Variants in GPC6 observed in about 807,000 individuals in gnomAD.
GPC6 encodes glypican-6.
Under a neutral mutation model 55.2 loss-of-function variants are expected in GPC6, and 14 were observed. The observed-to-expected ratio is 0.25, with a 90% CI of 0.17 to 0.40. The LOEUF (loss-of-function observed/expected upper bound fraction) is 0.40. Among genes scored for constraint, GPC6 ranks in the 10% least tolerant of loss-of-function variants. The pLI is 1.00. For synonymous variants in GPC6, 278 were observed against 259.6 expected (o/e 1.07, Z -0.68); for missense variants, 641 against 708.5 (o/e 0.90, Z 1.08).
chr13:94,294,500 G>A (rs775958995), intron 5 of GPC6, among the ~76,000 whole-genome samples: 1 of 149,852 alleles, frequency 6.7e-6, no homozygotes, highest in Non-Finnish European at 1.5e-5. Flanking sequence ...TCTGTCTCTA[G>A]CTATTGGGGC....
At chr13:94,370,530 C>T (rs1414820167) in intron 6 of GPC6, among the ~76,000 whole-genome samples, 2 of 152,170 alleles carry the variant, frequency 1.3e-5, no homozygotes, top group Non-Finnish European at 2.9e-5. Flanking sequence ...TGAAGGAATA[C>T]TAGCCACAAA....
At chr13:94,324,696 G>A (rs1044335495) in intron 6 of GPC6, among the ~76,000 whole-genome samples, 1 of 109,900 alleles carries the variant, frequency 9.1e-6, no homozygotes. Context: ...AACAAGACCT[G>A]GGTTTTTTGT....
chr13:94,108,368 G>A (rs1886128254), intron 4 of GPC6, among the ~76,000 whole-genome samples: 1 of 152,060 alleles, frequency 6.6e-6, no homozygotes, highest in Admixed American at 6.5e-5. Flanking sequence ...AATGGACTTT[G>A]GGGACTCAGG....
At chr13:93,950,245 G>C (rs1879194251) in intron 3 of GPC6, among the ~76,000 whole-genome samples, 1 of 151,982 alleles carries the variant, frequency 6.6e-6, no homozygotes, top group Non-Finnish European at 1.5e-5. Flanking sequence ...AAAAATTGAA[G>C]AACAACAACA....
intron 2 of GPC6, among the ~76,000 whole-genome samples, chr13:93,600,381 G>A (rs1235677028): frequency 6.6e-6 from 1 of 152,172 alleles, no homozygotes; most frequent in Non-Finnish European, 1.5e-5. Flanking sequence ...TTGTTGAATT[G>A]TATGTGGAGA....
chr13:93,516,547 G>T (rs913718953), intron 1 of GPC6, among the ~76,000 whole-genome samples: 4 of 152,062 alleles, frequency 2.6e-5, no homozygotes, highest in African/African-American at 9.6e-5. Context: ...ACCAGTAAAA[G>T]GTTTCTGAAC....
At chr13:93,875,757 C>T (rs1005282255) in intron 3 of GPC6, among the ~76,000 whole-genome samples, 7 of 152,032 alleles carry the variant, frequency 4.6e-5, no homozygotes, top group African/African-American at 1.7e-4. Context: ...TAATCATCTG[C>T]CTCCTGCCAG....
At chr13:94,207,685 G>C (rs1424850793) in intron 4 of GPC6, among the ~76,000 whole-genome samples, 1 of 152,110 alleles carries the variant, frequency 6.6e-6, no homozygotes, top group Non-Finnish European at 1.5e-5. Context: ...CTTAGTTACA[G>C]AGTAACTGAT....
chr13:93,235,888 C>T (rs1322878933), intron 1 of GPC6, among the ~76,000 whole-genome samples: 1 of 152,140 alleles, frequency 6.6e-6, no homozygotes, highest in Non-Finnish European at 1.5e-5. Flanking sequence ...GCAGTATCAA[C>T]AGGGTGCCAG....
At chr13:93,327,392 T>C (rs1879691612) in intron 1 of GPC6, among the ~76,000 whole-genome samples, 1 of 152,234 alleles carries the variant, frequency 6.6e-6, no homozygotes, top group Admixed American at 6.5e-5. Flanking sequence ...AATAATACTT[T>C]CCACTTCTTA....
chr13:93,611,737 T>A (rs182389223), intron 2 of GPC6, among the ~76,000 whole-genome samples: 49 of 152,298 alleles, frequency 3.2e-4, no homozygotes, highest in African/African-American at 1.1e-3. Flanking sequence ...TATTTTCAGA[T>A]AATACATAAC....
chr13:93,468,338 T>G (rs1330585967), intron 1 of GPC6, among the ~76,000 whole-genome samples: 1 of 152,150 alleles, frequency 6.6e-6, no homozygotes, highest in Non-Finnish European at 1.5e-5. Flanking sequence ...AGACAGTTTC[T>G]CCACTTATCC....
chr13:94,218,623 G>C lies in GPC6; in HGVS notation c.878-67726G>C, dbSNP rs1365439053. 2.0e-5 allele frequency among the ~76,000 whole-genome samples: 3 copies of C among 152,254 alleles called. No individual in the cohort carries two copies. In the East Asian group the frequency reaches 5.8e-4, roughly 29 times the overall value. ...GTTGTGTCCTTTTGGTGACCGTCCT[G>C]TACCCCCAGGCTTCTGCACCTGCTG... On this transcript the variant is annotated intron_variant, in intron 4 of 8. Coordinates refer to ENST00000377047, the MANE Select transcript of GPC6 (RefSeq NM_005708.5).
chr13:93,380,325 G>A (rs1875105790), intron 1 of GPC6, among the ~76,000 whole-genome samples: 1 of 152,012 alleles, frequency 6.6e-6, no homozygotes. Context: ...TGATGACCAA[G>A]GAATATTGGG....
chr13:94,253,726 C>G (rs1479467752), intron 4 of GPC6, among the ~76,000 whole-genome samples: 1 of 151,992 alleles, frequency 6.6e-6, no homozygotes, highest in Admixed American at 6.6e-5. Flanking sequence ...AATCTTCGTA[C>G]AAAAGAAACC....
chr13:94,164,626 T>C (rs1888284954), intron 4 of GPC6, among the ~76,000 whole-genome samples: 1 of 152,146 alleles, frequency 6.6e-6, no homozygotes, highest in African/African-American at 2.4e-5. Flanking sequence ...AATCTTACAG[T>C]CCTTATACTG....
At chr13:94,178,881 T>C (rs1888886211) in intron 4 of GPC6, among the ~76,000 whole-genome samples, 1 of 152,204 alleles carries the variant, frequency 6.6e-6, no homozygotes, top group South Asian at 2.1e-4. Context: ...TGAGTCCTCC[T>C]GCCTTGTTAG....
At chr13:93,935,994 A>G (rs1337002667) in intron 3 of GPC6, among the ~76,000 whole-genome samples, 1 of 152,176 alleles carries the variant, frequency 6.6e-6, no homozygotes, top group Non-Finnish European at 1.5e-5. Flanking sequence ...AAACTTAACA[A>G]TATTAAAGGA....
intron 1 of GPC6, among the ~76,000 whole-genome samples, chr13:93,237,326 T>C (rs1594045351): frequency 7.0e-6 from 1 of 143,368 alleles, no homozygotes; most frequent in South Asian, 2.2e-4. Flanking sequence ...TAATTAGTAA[T>C]GTTAAGCATT....
Sources: gnomAD v4.1 joint callset for allele counts (sites outside exome capture counted in the v4.1 genomes callset) on GRCh38, gnomAD v4.1.1 for gene constraint, MANE v1.5 for transcripts, NCBI Gene and HGNC (gene_info 2026-07-23, HGNC 2026-07-21) for gene names.